The following PLEKHH2 variants were observed in gnomAD, a reference collection of about 807,000 sequenced individuals.
The protein encoded by PLEKHH2 is pleckstrin homology domain-containing family H member 2.
A neutral mutation model predicts 187.9 loss-of-function variants in PLEKHH2; 129 were observed. The ratio of observed to expected loss-of-function variants is 0.69; its 90% CI spans 0.59 to 0.79. The LOEUF (loss-of-function observed/expected upper bound fraction) is 0.79. Ranked by LOEUF, PLEKHH2 falls within the 30% of genes least tolerant of loss-of-function variation. The probability of loss-of-function intolerance (pLI) is 0.00; values close to 1 mark genes in which losing one functional copy is unlikely to be tolerated. For missense variants in PLEKHH2, 2,076 were observed against 1,751.2 expected, an observed-to-expected ratio of 1.19 and a Z score of -3.31; for synonymous variants, 686 against 605.6, an observed-to-expected ratio of 1.13 and a Z score of -1.95.
rs1669276200 is a variant in PLEKHH2, at chr2:43,699,987, A to G, written c.1029A>G (p.Ile343Met). The change falls in exon 8 of 30, where the codon ATA becomes ATG. Residue 343 changes from isoleucine to methionine, a missense_variant. Coordinates refer to ENST00000282406, the MANE Select transcript of PLEKHH2 (RefSeq NM_172069.4). ...TATTTGAGGAAGAGACTTTTGGCAT[A>G]AAGAGACCAGAACACAAGAAGCTAT... ...SSIFEEETFG[I>M]KRPEHKKLYS... 6.2e-7 allele frequency: 1 copy of G among 1,614,094 alleles called. No individual in the cohort carries two copies. Among genetic ancestry groups the G allele is most frequent in the Non-Finnish European group, 8.5e-7 (1 of 1,180,032 alleles).
At chr2:43,733,478 G>C (rs1671146272) in intron 19 of PLEKHH2, among the ~76,000 whole-genome samples, 1 of 151,938 alleles carries the variant, frequency 6.6e-6, no homozygotes, top group Admixed American at 6.6e-5. Context: ...TCTACACCAG[G>C]ATCTTGGTAC....
intron 17 of PLEKHH2, 116 bp from the exon 18 acceptor site, chr2:43,729,521 A>G: frequency 1.7e-6 from 1 of 584,958 alleles, no homozygotes; most frequent in Non-Finnish European, 2.7e-6. Context: ...ATTATTTAAA[A>G]ATTAAAGCAA....
chr2:43,749,008 C>T (rs1283562389), intron 24 of PLEKHH2, among the ~76,000 whole-genome samples: 7 of 152,138 alleles, frequency 4.6e-5, no homozygotes, highest in African/African-American at 1.7e-4. Context: ...CTGCCCGCCT[C>T]GGCCTCCCAA....
intron 28 of PLEKHH2, among the ~76,000 whole-genome samples, chr2:43,763,581 G>A (rs989916365): frequency 2.1e-5 from 3 of 145,424 alleles, no homozygotes; most frequent in Non-Finnish European, 3.0e-5. Context: ...TACCATGCCC[G>A]GCTAATTTTT....
chr2:43,675,788 C>G (rs1192452431), intron 2 of PLEKHH2: 1 of 1,613,660 alleles, frequency 6.2e-7, no homozygotes, highest in Admixed American at 1.7e-5. Flanking sequence ...TCCACAGTCA[C>G]GTATTCGAGG....
At chr2:43,674,386 T>C (rs1206762110) in intron 2 of PLEKHH2, among the ~76,000 whole-genome samples, 1 of 152,228 alleles carries the variant, frequency 6.6e-6, no homozygotes, top group Non-Finnish European at 1.5e-5. Flanking sequence ...ATTGTCAGCA[T>C]ATTGCCAGTA....
intron 2 of PLEKHH2, among the ~76,000 whole-genome samples, chr2:43,655,453 G>A (rs1453302464): frequency 1.3e-5 from 2 of 152,096 alleles, no homozygotes; most frequent in East Asian, 3.9e-4. Context: ...TAGAAACTAG[G>A]CATTTTCTGG....
chr2:43,757,782 A>G (rs1477487738), intron 26 of PLEKHH2, among the ~76,000 whole-genome samples: 3 of 152,140 alleles, frequency 2.0e-5, no homozygotes, highest in African/African-American at 4.8e-5. Context: ...TTTAATTAAA[A>G]AAAAAGGCTT....
At chr2:43,763,671 G>A (rs1166465099) in intron 28 of PLEKHH2, among the ~76,000 whole-genome samples, 13 of 151,296 alleles carry the variant, frequency 8.6e-5, no homozygotes, top group Admixed American at 8.6e-4. Context: ...CTCAGCCTCA[G>A]GCGTGAGCCA....
intron 20 of PLEKHH2, 87 bp from the exon 21 acceptor site, chr2:43,740,859 A>G: frequency 6.5e-7 from 1 of 1,530,574 alleles, no homozygotes; most frequent in Non-Finnish European, 8.8e-7. Flanking sequence ...GGGTTAAGAG[A>G]GACTGTCATC....
chr2:43,680,245 C>G (rs573651597), intron 3 of PLEKHH2, among the ~76,000 whole-genome samples: 3 of 152,246 alleles, frequency 2.0e-5, no homozygotes, highest in African/African-American at 7.2e-5. Flanking sequence ...AGCCAGCTTT[C>G]TATATTTTCA....
At chr2:43,675,372 G>A (rs755862) in intron 2 of PLEKHH2, 1 of 1,564,498 alleles carries the variant, frequency 6.4e-7, no homozygotes. Flanking sequence ...TATTCTCCAG[G>A]CCTCAGTCAT....
At chr2:43,711,480 AG>A (rs1302529440) in intron 14 of PLEKHH2, 1 of 957,304 alleles carries the variant, frequency 1.0e-6, no homozygotes, top group Non-Finnish European at 1.2e-6. Flanking sequence ...CTTATATGCA[AG>A]ATCTTCTTAT....
At chr2:43,727,620 A>G (rs78221231) in intron 17 of PLEKHH2, among the ~76,000 whole-genome samples, 85 of 152,248 alleles carry the variant, frequency 5.6e-4, no homozygotes, top group African/African-American at 1.8e-3. Flanking sequence ...TATTGTTACT[A>G]TTGATCATTG....
intron 1 of PLEKHH2, among the ~76,000 whole-genome samples, chr2:43,643,632 G>A (rs57357935): frequency 0.024 from 3,672 of 152,148 alleles, 142 homozygotes; most frequent in African/African-American, 0.085. Flanking sequence ...TTCAACTGCA[G>A]TTCCATTCCA....
intron 2 of PLEKHH2, among the ~76,000 whole-genome samples, chr2:43,667,322 C>A (rs1037039179): frequency 6.6e-6 from 1 of 152,142 alleles, no homozygotes; most frequent in Non-Finnish European, 1.5e-5. Flanking sequence ...AATTGAAGGT[C>A]TCATACATTG....
Position 43,683,784 on chromosome 2 carries a change from C to G in PLEKHH2, c.186+4859C>G, listed in dbSNP as rs574298230. 5.2e-4 allele frequency among the ~76,000 whole-genome samples: 77 copies of G among 148,236 alleles called. 1 individual carries two copies. Among genetic ancestry groups the G allele is most frequent in the African/African-American group, 1.8e-3 (73 of 40,490 alleles). On this transcript the variant is annotated intron_variant, in intron 3 of 29. Transcript: ENST00000282406. Reference sequence around the variant, plus strand: ...GATGTCTAGTTATCTCTCTCTCTCTCTTTTTTTTTTGGTGATATTAGCAGC... The same window carrying G: ...GATGTCTAGTTATCTCTCTCTCTCTGTTTTTTTTTTGGTGATATTAGCAGC...
At chr2:43,745,986 G>A (rs749653220) in intron 24 of PLEKHH2, 23 bp downstream of exon 24, 3 of 1,486,540 alleles carry the variant, frequency 2.0e-6, no homozygotes, top group Admixed American at 3.5e-5. Context: ...GCATCCAGAT[G>A]CCAAAGTATG....
At chr2:43,656,111 A>G (rs1293869710) in intron 2 of PLEKHH2, among the ~76,000 whole-genome samples, 2 of 151,992 alleles carry the variant, frequency 1.3e-5, no homozygotes, top group African/African-American at 2.4e-5. Context: ...GGTGTGTGCC[A>G]TCATGCCGGC....
Sources: allele counts gnomAD v4.1 joint callset (sites outside exome capture counted in the v4.1 genomes callset), GRCh38; gene constraint gnomAD v4.1.1; transcripts MANE v1.5; gene names NCBI Gene and HGNC (gene_info 2026-07-23, HGNC 2026-07-21).